The following LCLAT1 variants were observed in gnomAD, a reference collection of about 807,000 sequenced individuals.
LCLAT1 encodes the protein 1-AGP acyltransferase 8.
LCLAT1 carries 11 observed loss-of-function variants against 30.7 expected under a neutral mutation model. The observed-to-expected ratio is 0.36, with a 90% confidence interval of 0.23 to 0.59. The LOEUF is 0.59. Among genes scored for constraint, LCLAT1 ranks in the 20% least tolerant of loss-of-function variants. The pLI is 0.77. For missense variants in LCLAT1, 402 were observed against 458.6 expected (o/e 0.88, Z 1.13); for synonymous variants, 155 against 151.3 (o/e 1.02, Z -0.18).
Position 30,521,489 on chromosome 2 carries a change from CTTCTTTTTTTTTTTTTTT to C in LCLAT1, c.-4-4095_-4-4078del, listed in dbSNP as rs1242657929. On this transcript the variant is annotated intron_variant, in intron 1 of 5. Transcript: ENST00000379509. ...GTTTCCTCAACCCCCTAAACTACTT[CTTCTTTTTTTTTTTTTTT>C]TTTTTTTTTTTTTTTTTTTGAGAGG... 3.0e-3 allele frequency among the ~76,000 whole-genome samples: 165 copies of C among 55,568 alleles called. 3 individuals are homozygous for C. Among genetic ancestry groups the C allele is most frequent in the African/African-American group, 0.012 (146 of 12,266 alleles). The allele number at this position is 55,568 out of a possible 152,430, so 36.5% of individuals were successfully genotyped here.
At chr2:30,455,522 A>C (rs1200950981) in intron 1 of LCLAT1, among the ~76,000 whole-genome samples, 4 of 152,112 alleles carry the variant, frequency 2.6e-5, no homozygotes, top group Non-Finnish European at 4.4e-5. Context: ...GGCTGATGGC[A>C]TTCCTTGTTT....
chr2:30,531,380 T>C (rs1039059957), intron 2 of LCLAT1, among the ~76,000 whole-genome samples: 2 of 152,194 alleles, frequency 1.3e-5, no homozygotes, highest in African/African-American at 4.8e-5. Context: ...TCAAGGGACT[T>C]TTTGGAGTAG....
rs547093648 is a variant in LCLAT1, at chr2:30,449,658, G to T, written c.-5+2275G>T. Among the ~76,000 whole-genome samples the T allele has an allele frequency of 3.3e-5, 5 of 152,042 alleles. No individual in the cohort carries two copies. In the East Asian group the frequency reaches 9.7e-4, roughly 29 times the overall value. ...TGGGATTACAGACATGTGCCACTAC[G>T]CCTGGCTAATTTTGTATTGTTAGTA... On this transcript the variant is annotated intron_variant, in intron 1 of 5. Coordinates refer to ENST00000379509, the MANE Select transcript of LCLAT1 (RefSeq NM_001002257.3).
chr2:30,462,589 G>T (rs896761145), intron 1 of LCLAT1, among the ~76,000 whole-genome samples: 6 of 152,176 alleles, frequency 3.9e-5, no homozygotes, highest in Admixed American at 6.5e-5. Context: ...TGAAACCAGG[G>T]TCTATTCCTT....
At chr2:30,611,051 T>G (rs1307746353) in intron 5 of LCLAT1, among the ~76,000 whole-genome samples, 2 of 151,880 alleles carry the variant, frequency 1.3e-5, no homozygotes, top group Non-Finnish European at 2.9e-5. Flanking sequence ...ATTTGTTAAA[T>G]TCTGGCTTCA....
At chr2:30,630,922 C>T (rs1054290671) in intron 5 of LCLAT1, among the ~76,000 whole-genome samples, 3 of 152,144 alleles carry the variant, frequency 2.0e-5, no homozygotes, top group Non-Finnish European at 4.4e-5. Context: ...GTAAATAGAA[C>T]ACTCAAAAGA....
intron 5 of LCLAT1, among the ~76,000 whole-genome samples, chr2:30,603,315 A>G (rs1292834703): frequency 1.3e-5 from 2 of 152,174 alleles, no homozygotes; most frequent in Non-Finnish European, 2.9e-5. Context: ...GATACAATAC[A>G]GTGAACGAAA....
chr2:30,539,812 A>G (rs1664042467), intron 3 of LCLAT1, among the ~76,000 whole-genome samples: 1 of 152,206 alleles, frequency 6.6e-6, no homozygotes, highest in African/African-American at 2.4e-5. Flanking sequence ...GGGACTTTAT[A>G]TACATTATCT....
chr2:30,533,506 A>G (rs1315682204), intron 3 of LCLAT1, among the ~76,000 whole-genome samples, 192 bp downstream of exon 3: 1 of 152,196 alleles, frequency 6.6e-6, no homozygotes, highest in Non-Finnish European at 1.5e-5. Flanking sequence ...AAAAAATATT[A>G]CTCTGAAAGA....
intron 1 of LCLAT1, among the ~76,000 whole-genome samples, chr2:30,496,349 C>T (rs982623083): frequency 6.6e-6 from 1 of 152,188 alleles, no homozygotes; most frequent in Non-Finnish European, 1.5e-5. Context: ...GTAGTGCCAG[C>T]TCACTGTACC....
intron 5 of LCLAT1, among the ~76,000 whole-genome samples, chr2:30,621,902 C>T (rs143712490): frequency 3.6e-4 from 55 of 152,282 alleles, no homozygotes; most frequent in African/African-American, 1.2e-3. Flanking sequence ...GTTTCCTGGA[C>T]GGAATCTGGT....
chr2:30,558,203 T>A (rs1665023283), intron 3 of LCLAT1, among the ~76,000 whole-genome samples: 1 of 152,062 alleles, frequency 6.6e-6, no homozygotes, highest in African/African-American at 2.4e-5. Flanking sequence ...GGACTTTATA[T>A]CCTAAAAACT....
intron 5 of LCLAT1, among the ~76,000 whole-genome samples, chr2:30,586,128 C>A (rs1666423611): frequency 6.6e-6 from 1 of 151,378 alleles, no homozygotes; most frequent in Non-Finnish European, 1.5e-5. Context: ...CCTGTAGTCC[C>A]AGCTACTCCA....
intron 5 of LCLAT1, among the ~76,000 whole-genome samples, chr2:30,571,924 A>G (rs1572642139): frequency 1.3e-5 from 2 of 152,230 alleles, no homozygotes; most frequent in East Asian, 3.9e-4. Flanking sequence ...TACAAGGAAC[A>G]TGATAGAGTG....
intron 1 of LCLAT1, among the ~76,000 whole-genome samples, chr2:30,480,880 C>T (rs539116388): frequency 1.5e-4 from 23 of 152,160 alleles, no homozygotes; most frequent in Non-Finnish European, 3.1e-4. Flanking sequence ...GAGGGAATGA[C>T]AGGTGGAAAA....
chr2:30,630,682 C>T (rs72863027), intron 5 of LCLAT1, among the ~76,000 whole-genome samples: 6,219 of 152,274 alleles, frequency 0.041, 430 homozygotes, highest in African/African-American at 0.14. Context: ...GTAGGACTAT[C>T]TGTAGTTTTT....
chr2:30,609,122 G>A (rs1667611692), intron 5 of LCLAT1, among the ~76,000 whole-genome samples: 1 of 151,914 alleles, frequency 6.6e-6, no homozygotes, highest in Non-Finnish European at 1.5e-5. Context: ...GTTTCTATTG[G>A]GATTACTATA....
rs78675190 is a variant in LCLAT1, at chr2:30,546,814, A to G, written c.364+13500A>G. On this transcript the variant is annotated intron_variant, in intron 3 of 5. Transcript: ENST00000379509. ...AACAGACATTCACTAAAATTAGAACAAAGTCATGAATATTTTTGACTCTAT... is the reference window on the plus strand; with the variant it reads ...AACAGACATTCACTAAAATTAGAACGAAGTCATGAATATTTTTGACTCTAT... Among the ~76,000 whole-genome samples, 37 of 152,294 alleles carry G rather than the reference A, an allele frequency of 2.4e-4. No individual in the cohort carries two copies. In the East Asian group the frequency reaches 6.9e-3, roughly 29 times the overall value.
intron 5 of LCLAT1, among the ~76,000 whole-genome samples, chr2:30,597,794 T>C (rs1439552508): frequency 4.6e-5 from 7 of 152,204 alleles, no homozygotes; most frequent in Admixed American, 6.5e-5. Context: ...CATAAACAGC[T>C]ATTATTAATA....
Sources: allele counts gnomAD v4.1 joint callset (sites outside exome capture counted in the v4.1 genomes callset), GRCh38; gene constraint gnomAD v4.1.1; transcripts MANE v1.5; gene names NCBI Gene and HGNC (gene_info 2026-07-23, HGNC 2026-07-21).